The following RSPH4A variants were observed in gnomAD, a reference collection of about 807,000 sequenced individuals.
RSPH4A encodes the protein radial spoke head protein 4 homolog A.
RSPH4A carries 47 observed loss-of-function variants against 71.0 expected under a neutral mutation model. The observed-to-expected ratio is 0.66, with a 90% CI of 0.52 to 0.84. RSPH4A has a LOEUF of 0.84. RSPH4A is among the 40% of genes least tolerant of loss of function. RSPH4A has a pLI of 0.00. For missense variants in RSPH4A, 793 were observed against 855.2 expected (o/e 0.93, Z 0.91); for synonymous variants, 282 against 302.3 (o/e 0.93, Z 0.70).
In RSPH4A at chr6:116,632,265, C is replaced by A. The variant is rs1287458519; in HGVS notation, c.1975C>A (p.Pro659Thr). The A allele has an allele frequency of 2.5e-6, 4 of 1,612,142 alleles. No homozygotes were observed. The highest frequency in any genetic ancestry group is 3.4e-6 in the Non-Finnish European group (4 of 1,179,678). The change falls in exon 6 of 6, where the codon CCC becomes ACC. Residue 659 changes from proline to threonine, a missense_variant. Physicochemically the swap from Pro to Thr is conservative, Grantham distance 38. Transcript: ENST00000229554. ...TAAGTATAGTCCAGACAATTATACA[C>A]CCCCAGTTCCACCACCAGTTTATCA... ...GHKYSPDNYTPPVPPPVYQEY... is the reference protein window; with the variant it reads ...GHKYSPDNYTTPVPPPVYQEY...
intron 5 of RSPH4A, among the ~76,000 whole-genome samples, chr6:116,630,847 ATTTTTTTT>A (rs10694358): frequency 5.7e-5 from 5 of 87,614 alleles, no homozygotes; most frequent in African/African-American, 1.9e-4. Flanking sequence ...TAATTTTTGT[ATTTTTTTT>A]TTTTTTTTTT....
intron 1 of RSPH4A, 124 bp from the exon 2 acceptor site, chr6:116,622,644 T>G (rs1331686343): frequency 1.5e-6 from 1 of 665,832 alleles, no homozygotes; most frequent in African/African-American, 1.8e-5. Context: ...AAGCTATATA[T>G]TTTGTTTTTT....
chr6:116,632,864 A>G lies in RSPH4A; in HGVS notation c.*423A>G, dbSNP rs572201474. On this transcript the variant is annotated 3_prime_UTR_variant, in exon 6 of 6. Transcript: ENST00000229554. ...CCACAGGAAATTCTTGGAAACATCA[A>G]TACTTTTTAAAGAGTGTCAAGGGGT... is the stretch of plus-strand genomic sequence containing the variant. 5 of 208,908 alleles carry G rather than the reference A, an allele frequency of 2.4e-5. No homozygotes were observed. The highest frequency in any genetic ancestry group is 1.1e-4 in the Admixed American group (2 of 18,944). 12.9% of individuals were successfully genotyped at this position (208,908 alleles called of 1,614,324 possible).
At chr6:116,623,200 G>A (rs1245784220) in intron 2 of RSPH4A, among the ~76,000 whole-genome samples, 198 bp downstream of exon 2, 1 of 152,072 alleles carries the variant, frequency 6.6e-6, no homozygotes, top group Non-Finnish European at 1.5e-5. Flanking sequence ...TCAGGGTCAA[G>A]CAATTCTCCT....
rs745371405 is a variant in RSPH4A at position 116,617,064 on chromosome 6, A to C, written c.441A>C (p.Gly147=). 2 of 1,614,228 alleles carry C rather than the reference A, an allele frequency of 1.2e-6. No homozygotes were observed. The highest frequency in any genetic ancestry group is 1.7e-6 in the Non-Finnish European group (2 of 1,180,044). The change falls in exon 1 of 6, where the codon GGA becomes GGC. Residue 147 remains glycine, a synonymous_variant. Transcript: ENST00000229554. ...CTCATCACACAAGCCAGTCAGAAGG[A>C]AACACCTTTCAACAGTCTCAGCAAC... ...STPHHTSQSE[G]NTFQQSQQPK... is the part of the protein sequence containing the mutation.
rs539713875 is a variant in RSPH4A, at chr6:116,631,690, A to G, written c.1917-517A>G. On this transcript the variant is annotated intron_variant, in intron 5 of 5. Transcript: ENST00000229554. Reference sequence around the variant, plus strand: ...AAGAGCATGACGAGCCAAAGGGGCCAGCGTCCTTGACTGCAACTTCCCGTA... The same window carrying G: ...AAGAGCATGACGAGCCAAAGGGGCCGGCGTCCTTGACTGCAACTTCCCGTA... 4.8e-4 allele frequency among the ~76,000 whole-genome samples: 73 copies of G among 152,342 alleles called. No homozygotes were observed. The South Asian group carries it at 0.015, about 31-fold the overall frequency.
At chr6:116,623,695 T>C (rs1178325976) in intron 2 of RSPH4A, among the ~76,000 whole-genome samples, 4 of 152,214 alleles carry the variant, frequency 2.6e-5, no homozygotes, top group Non-Finnish European at 1.5e-5. Flanking sequence ...AAATCAGGTT[T>C]TAAAACAAGT....
chr6:116,632,155 T>G, intron 5 of RSPH4A, 52 bp from the exon 6 acceptor site: 1 of 1,384,922 alleles, frequency 7.2e-7, no homozygotes, highest in South Asian at 1.2e-5. Flanking sequence ...GGTCAGTTTT[T>G]CTGAGAAATT....
At chr6:116,617,355 GGT>G in intron 1 of RSPH4A, 46 bp downstream of exon 1, 2 of 1,372,158 alleles carry the variant, frequency 1.5e-6, no homozygotes, top group Non-Finnish European at 2.0e-6. Flanking sequence ...AAAGCAAGAG[GGT>G]GTGTGAGTAT....
In RSPH4A at chr6:116,624,694, C is replaced by T. The variant is rs538385758; in HGVS notation, c.921+1692C>T. ...ATATGAGCTATATGACCAACCTGTC[C>T]CTGACTTATATGTTTAGAGTGTTCA... On this transcript the variant is annotated intron_variant, in intron 2 of 5. Coordinates refer to ENST00000229554, the MANE Select transcript of RSPH4A (RefSeq NM_001010892.3). Among the ~76,000 whole-genome samples the T allele has an allele frequency of 2.0e-5, 3 of 152,238 alleles. No individual in the cohort carries two copies. The South Asian group carries it at 6.2e-4, about 32-fold the overall frequency.
At position 116,622,786 on chromosome 6, in the gene RSPH4A, T is replaced by C; in HGVS notation, c.705T>C (p.Asn235=). Reference sequence around the variant, plus strand: ...TGGATAGATATGATCATCTTTCTAATATGTTGACCAAGATATTAAATGAGC... The same window carrying C: ...TGGATAGATATGATCATCTTTCTAACATGTTGACCAAGATATTAAATGAGC... ...SGFNLYDHLS[N]MLTKILNERP... Residue 235 remains asparagine (N), a synonymous_variant, in exon 2 of 6, where the codon AAT becomes AAC. Transcript: ENST00000229554. The C allele has an allele frequency of 6.2e-7, 1 of 1,600,984 alleles. No homozygotes were observed. The highest frequency in any genetic ancestry group is 1.3e-5 in the African/African-American group (1 of 74,816).
chr6:116,626,741 A>T (rs1435191539), intron 2 of RSPH4A, among the ~76,000 whole-genome samples: 2 of 145,626 alleles, frequency 1.4e-5, no homozygotes, highest in Admixed American at 6.9e-5. Context: ...TTTAAATTCA[A>T]AATAATTTAT....
intron 1 of RSPH4A, among the ~76,000 whole-genome samples, chr6:116,620,855 G>A (rs1775592476): frequency 6.6e-6 from 1 of 152,008 alleles, no homozygotes; most frequent in Admixed American, 6.6e-5. Flanking sequence ...TTCTCCATGA[G>A]TTTTCTTTTT....
At chr6:116,624,135 A>G (rs1775656958) in intron 2 of RSPH4A, among the ~76,000 whole-genome samples, 1 of 152,218 alleles carries the variant, frequency 6.6e-6, no homozygotes, top group Admixed American at 6.5e-5. Flanking sequence ...TGTCAGGGAA[A>G]AGATAAGGGA....
Position 116,628,060 on chromosome 6 carries a change from A to G in RSPH4A, c.1353A>G (p.Gln451=). The change falls in exon 3 of 6, where the codon CAA becomes CAG. Residue 451 remains glutamine, a synonymous_variant. Coordinates refer to ENST00000229554, the MANE Select transcript of RSPH4A (RefSeq NM_001010892.3). ...AGTTACCACCAGTTATACCTGCACA[A>G]ATTGTTATTGCAAGAAAAATCAAGA... The part of the protein sequence containing the change: ...WVKLPPVIPA[Q]IVIARKIKKF... 1 of 1,614,194 alleles carries G rather than the reference A, an allele frequency of 6.2e-7. No individual in the cohort carries two copies. Among genetic ancestry groups the G allele is most frequent in the Non-Finnish European group, 8.5e-7 (1 of 1,180,040 alleles).
In RSPH4A at chr6:116,627,979, A is replaced by G. The variant is rs559058888; in HGVS notation, c.1272A>G (p.Thr424=). The change falls in exon 3 of 6, where the codon ACA becomes ACG. Residue 424 remains threonine (T), a synonymous_variant. Transcript: ENST00000229554. ...PQAIPKEESR[T]GANKYVYFVC... ...CTATACCAAAAGAAGAAAGTAGAAC[A>G]GGTGCCAACAAATATGTCTATTTTG... The G allele has an allele frequency of 1.7e-5, 28 of 1,614,252 alleles. 1 individual carries two copies. In the South Asian group the frequency reaches 2.9e-4, roughly 16 times the overall value.
At chr6:116,617,373 T>A in intron 1 of RSPH4A, 64 bp downstream of exon 1, 1 of 1,127,640 alleles carries the variant, frequency 8.9e-7, no homozygotes, top group Non-Finnish European at 1.3e-6. Flanking sequence ...AGTATCTCTG[T>A]GTGAGAGTGT....
intron 5 of RSPH4A, 115 bp downstream of exon 5, chr6:116,630,667 G>GTTTTTTTTTTTTTTTTTTTTTTTT (rs11459167): frequency 1.0e-5 from 2 of 191,532 alleles, no homozygotes; most frequent in Non-Finnish European, 1.8e-5. Context: ...TTTTTTTCGT[G>GTTTTTTTTTTTTTTTTTTTTTTTT]TTTTTTTTTT....
At chr6:116,620,452 A>G (rs1432467576) in intron 1 of RSPH4A, among the ~76,000 whole-genome samples, 2 of 152,140 alleles carry the variant, frequency 1.3e-5, no homozygotes, top group African/African-American at 4.8e-5. Flanking sequence ...CATAAAAGCT[A>G]TTTTTCATGG....
Sources: allele counts gnomAD v4.1 joint callset (sites outside exome capture counted in the v4.1 genomes callset), GRCh38; gene constraint gnomAD v4.1.1; transcripts MANE v1.5; gene names NCBI Gene and HGNC (gene_info 2026-07-23, HGNC 2026-07-21).